ARHGAP21: variants seen among roughly 807,000 people sequenced by gnomAD.
ARHGAP21 encodes the protein Rho GTPase activating protein 21, also known as rho GTPase-activating protein 21.
In ARHGAP21, 38 loss-of-function variants were observed where a neutral mutation model predicts 164.6. The ratio of observed to expected loss-of-function variants is 0.23; its 90% confidence interval spans 0.18 to 0.30. The LOEUF (loss-of-function observed/expected upper bound fraction) is 0.30. Ranked by LOEUF, ARHGAP21 falls within the 10% of genes least tolerant of loss-of-function variation. The pLI is 1.00. For missense variants in ARHGAP21, 1,822 were observed against 2,370.7 expected (o/e 0.77, Z 4.81); for synonymous variants, 766 against 857.9 (o/e 0.89, Z 1.87).
chr10:24,723,500 A>G (rs1421571641), intron 1 of ARHGAP21, 62 bp downstream of exon 1: 1 of 146,546 alleles, frequency 6.8e-6, no homozygotes, highest in Non-Finnish European at 1.5e-5. Context: ...CAAGCCGGGC[A>G]CTCCACGGCC....
chr10:24,674,975 C>G (rs1237655620), intron 2 of ARHGAP21, among the ~76,000 whole-genome samples: 1 of 152,192 alleles, frequency 6.6e-6, no homozygotes, highest in Non-Finnish European at 1.5e-5. Flanking sequence ...CTAGAACTCT[C>G]AGACACTGCT....
chr10:24,647,006 T>C (rs1207643304), intron 4 of ARHGAP21, among the ~76,000 whole-genome samples: 2 of 152,240 alleles, frequency 1.3e-5, no homozygotes, highest in South Asian at 4.1e-4. Flanking sequence ...ACTTTTCTTC[T>C]TTTTCACCTG....
chr10:24,665,922 C>A (rs767329769), intron 4 of ARHGAP21, among the ~76,000 whole-genome samples: 44 of 152,152 alleles, frequency 2.9e-4, no homozygotes, highest in Non-Finnish European at 3.8e-4. Flanking sequence ...AGGATACTAG[C>A]GGAAAAACTG....
In ARHGAP21 at chr10:24,699,150, G is replaced by A. The variant is rs146479621; in HGVS notation, c.63+22687C>T. On this transcript the variant is annotated intron_variant, in intron 2 of 25. Transcript: ENST00000396432. The stretch of plus-strand genomic sequence containing the variant: ...TTCCAGACATTCCTTTCATCTTTTC[G>A]TCCCCTTTCTGGCTCCTATTATCTC... 2.3e-3 allele frequency among the ~76,000 whole-genome samples: 346 copies of A among 151,596 alleles called. 3 individuals carry two copies. Among genetic ancestry groups the A allele is most frequent in the African/African-American group, 4.4e-4 (18 of 41,284 alleles).
intron 4 of ARHGAP21, among the ~76,000 whole-genome samples, chr10:24,642,394 A>G (rs1328514686): frequency 2.0e-5 from 3 of 151,502 alleles, no homozygotes; most frequent in Admixed American, 6.6e-5. Context: ...GGGCGCCTGT[A>G]GTCCCAGCTA....
At chr10:24,721,650 G>A (rs540323686) in intron 2 of ARHGAP21, among the ~76,000 whole-genome samples, 187 bp downstream of exon 2, 1 of 152,282 alleles carries the variant, frequency 6.6e-6, no homozygotes, top group African/African-American at 2.4e-5. Flanking sequence ...AGAAACACGG[G>A]AGTCCCTGGA....
intron 2 of ARHGAP21, among the ~76,000 whole-genome samples, chr10:24,710,817 C>T (rs1844709538): frequency 6.6e-6 from 1 of 152,150 alleles, no homozygotes; most frequent in African/African-American, 2.4e-5. Context: ...AAGAAAGTAG[C>T]TGGTGCGGTG....
intron 2 of ARHGAP21, among the ~76,000 whole-genome samples, chr10:24,670,834 A>C (rs1247304483): frequency 6.6e-6 from 1 of 152,182 alleles, no homozygotes; most frequent in Non-Finnish European, 1.5e-5. Context: ...AGGACATTAG[A>C]AAATAACAGA....
chr10:24,689,856 ATATG>A (rs1036874516), intron 2 of ARHGAP21, among the ~76,000 whole-genome samples: 4 of 148,444 alleles, frequency 2.7e-5, no homozygotes, highest in East Asian at 1.9e-4. Context: ...GTATATATGT[ATATG>A]TATGTGTATA....
At chr10:24,601,551 C>T (rs2076813419) in intron 13 of ARHGAP21, among the ~76,000 whole-genome samples, 1 of 151,868 alleles carries the variant, frequency 6.6e-6, no homozygotes, top group African/African-American at 2.4e-5. Flanking sequence ...ATTTGTTTAA[C>T]TTAATATTTT....
chr10:24,677,418 T>A (rs567611453), intron 2 of ARHGAP21, among the ~76,000 whole-genome samples: 10 of 152,308 alleles, frequency 6.6e-5, no homozygotes, highest in East Asian at 1.9e-4. Flanking sequence ...ATAGTGTAAG[T>A]AAGAAATAAG....
At chr10:24,700,992 C>T (rs1843621565) in intron 2 of ARHGAP21, among the ~76,000 whole-genome samples, 1 of 152,204 alleles carries the variant, frequency 6.6e-6, no homozygotes, top group South Asian at 2.1e-4. Flanking sequence ...ATTTAAGGTA[C>T]CTTAAGTGTC....
At chr10:24,597,607 TAAC>T (rs1201396791) in intron 15 of ARHGAP21, 24 bp from the exon 16 acceptor site, 1 of 1,613,070 alleles carries the variant, frequency 6.2e-7, no homozygotes, top group Non-Finnish European at 8.5e-7. Context: ...TGACATTTGT[TAAC>T]AATTACAGTA....
intron 24 of ARHGAP21, chr10:24,590,744 T>TG (rs2076291443): frequency 1.0e-6 from 1 of 985,152 alleles, no homozygotes; most frequent in South Asian, 4.7e-5. Context: ...ACTGTATTTA[T>TG]GAAAATGTAT....
chr10:24,652,030 A>G (rs1465321979), intron 4 of ARHGAP21, among the ~76,000 whole-genome samples: 1 of 152,250 alleles, frequency 6.6e-6, no homozygotes, highest in Non-Finnish European at 1.5e-5. Context: ...TTCTGTAAAG[A>G]GCCAGACAGT....
At position 24,600,886 on chromosome 10, in the gene ARHGAP21, G is replaced by A; in HGVS notation, c.2892C>T (p.Val964=). ...SIRPWKQMYV[V]LRGHSLYLYK... Reference sequence around the variant, plus strand: ...ACAGGTAAAGTGAATGACCCCGAAGGACAACATACATCTGTTTCCATGGCC... The same window carrying A: ...ACAGGTAAAGTGAATGACCCCGAAGAACAACATACATCTGTTTCCATGGCC... The change falls in exon 14 of 26, where the codon GTC becomes GTT. Residue 964 remains valine (V), a synonymous_variant. Transcript: ENST00000396432. 1 of 1,614,126 alleles carries A rather than the reference G, an allele frequency of 6.2e-7. No homozygotes were observed. Among genetic ancestry groups the A allele is most frequent in the Non-Finnish European group, 8.5e-7 (1 of 1,179,988 alleles).
intron 5 of ARHGAP21, 71 bp from the exon 6 acceptor site, chr10:24,633,551 T>G: frequency 1.0e-6 from 1 of 961,958 alleles, no homozygotes; most frequent in South Asian, 1.6e-5. Context: ...TTGAAATATT[T>G]CTTGAATAAT....
rs184756272 is a variant in ARHGAP21, at chr10:24,668,217, G to A, written c.244-1208C>T. On this transcript the variant is annotated intron_variant, in intron 3 of 25. Coordinates refer to ENST00000396432, the MANE Select transcript of ARHGAP21 (RefSeq NM_020824.4). ...GCCAATGACCATGCTGTTAACAAGC[G>A]TAAGCATGTCCTGGAATAGCATCAT... Among the ~76,000 whole-genome samples the A allele has an allele frequency of 2.5e-3, 385 of 152,306 alleles. 3 individuals are homozygous for A. Among genetic ancestry groups the A allele is most frequent in the African/African-American group, 8.9e-3 (372 of 41,566 alleles).
chr10:24,685,026 T>G (rs1428925879), intron 2 of ARHGAP21, among the ~76,000 whole-genome samples: 2 of 152,320 alleles, frequency 1.3e-5, no homozygotes, highest in South Asian at 2.1e-4. Context: ...TCCTTTTTTT[T>G]GTAAAGAAAC....
Sources: allele counts gnomAD v4.1 joint callset (sites outside exome capture counted in the v4.1 genomes callset), GRCh38; gene constraint gnomAD v4.1.1; transcripts MANE v1.5; gene names NCBI Gene and HGNC (gene_info 2026-07-23, HGNC 2026-07-21).